Variants in FARSB observed in about 807,000 individuals in gnomAD.
FARSB encodes phenylalanine--tRNA ligase beta subunit.
Under a neutral mutation model 69.6 loss-of-function variants are expected in FARSB, and 40 were observed. The ratio of observed to expected loss-of-function variants is 0.57; its 90% CI spans 0.45 to 0.75. The LOEUF is 0.75. FARSB is among the 30% of genes least tolerant of loss of function. The pLI is 0.00. For missense variants in FARSB, 632 were observed against 722.9 expected, an observed-to-expected ratio of 0.87 and a Z score of 1.44; for synonymous variants, 235 against 247.2, an observed-to-expected ratio of 0.95 and a Z score of 0.46.
chr2:222,589,454 C>G (rs1690205944), intron 16 of FARSB, among the ~76,000 whole-genome samples: 1 of 152,010 alleles, frequency 6.6e-6, no homozygotes, highest in Non-Finnish European at 1.5e-5. Flanking sequence ...TAGGCATGGG[C>G]AAGGACTTCA....
chr2:222,610,239 C>T (rs1690810576), intron 15 of FARSB, among the ~76,000 whole-genome samples: 1 of 152,128 alleles, frequency 6.6e-6, no homozygotes, highest in Non-Finnish European at 1.5e-5. Context: ...ACTGCTCCCA[C>T]CAATGAAAAT....
intron 12 of FARSB, 31 bp from the exon 13 acceptor site, chr2:222,623,761 C>T (rs775170785): frequency 9.6e-6 from 13 of 1,350,610 alleles, no homozygotes; most frequent in African/African-American, 5.8e-5. Flanking sequence ...TTGATTTCAC[C>T]GCAATTATTT....
At chr2:222,650,313 G>C (rs568446868) in intron 1 of FARSB, among the ~76,000 whole-genome samples, 1 of 152,308 alleles carries the variant, frequency 6.6e-6, no homozygotes, top group South Asian at 2.1e-4. Context: ...ATACTGAAGG[G>C]ATTCTTCGGC....
At chr2:222,588,071 A>C (rs979983567) in intron 16 of FARSB, among the ~76,000 whole-genome samples, 3 of 152,242 alleles carry the variant, frequency 2.0e-5, no homozygotes, top group Non-Finnish European at 4.4e-5. Context: ...AGAGAATTTT[A>C]GACCAATATC....
At chr2:222,574,260 T>G (rs1229124922) in intron 16 of FARSB, among the ~76,000 whole-genome samples, 1 of 152,180 alleles carries the variant, frequency 6.6e-6, no homozygotes, top group Non-Finnish European at 1.5e-5. Context: ...ATTAATCAGT[T>G]AGGTACTTGA....
intron 15 of FARSB, among the ~76,000 whole-genome samples, chr2:222,600,930 A>G (rs1431514995): frequency 3.9e-5 from 6 of 152,244 alleles, no homozygotes; most frequent in Admixed American, 3.9e-4. Flanking sequence ...TTCACAAAGC[A>G]TAAAAAAAGC....
intron 4 of FARSB, 98 bp downstream of exon 4, chr2:222,640,764 A>C: frequency 1.5e-6 from 1 of 674,606 alleles, no homozygotes; most frequent in Non-Finnish European, 2.6e-6. Flanking sequence ...TCAAAACAAA[A>C]AAAAAAGAGT....
chr2:222,616,581 A>G (rs1574934382), intron 14 of FARSB, among the ~76,000 whole-genome samples: 3 of 151,014 alleles, frequency 2.0e-5, no homozygotes. Flanking sequence ...CAATTGGGAA[A>G]ACTAAAACAA....
chr2:222,606,226 C>T (rs1341509162), intron 15 of FARSB, among the ~76,000 whole-genome samples: 1 of 152,086 alleles, frequency 6.6e-6, no homozygotes, highest in Admixed American at 6.5e-5. Flanking sequence ...TAAGATACTC[C>T]CTCTACTGTA....
chr2:222,608,256 C>T (rs1690757642), intron 15 of FARSB, among the ~76,000 whole-genome samples: 1 of 152,146 alleles, frequency 6.6e-6, no homozygotes. Context: ...TGGAAAACCA[C>T]ATTCCACATG....
At position 222,594,407 on chromosome 2, in the gene FARSB, A is replaced by G. The variant is rs1690358813; in HGVS notation, c.1618+5521T>C. 3.3e-5 allele frequency among the ~76,000 whole-genome samples: 5 copies of G among 152,324 alleles called. 1 individual carries two copies. The South Asian group carries it at 1.0e-3, about 32-fold the overall frequency. On this transcript the variant is annotated intron_variant, in intron 16 of 16. Coordinates refer to ENST00000281828, the MANE Select transcript of FARSB (RefSeq NM_005687.5). The stretch of plus-strand genomic sequence containing the variant: ...ACATTAAGAGTTACCCAGCAGATAT[A>G]AAGTGAAATGTTAATCATTTTTAAA...
At chr2:222,652,943 T>C (rs1692075510) in intron 1 of FARSB, among the ~76,000 whole-genome samples, 1 of 152,244 alleles carries the variant, frequency 6.6e-6, no homozygotes, top group South Asian at 2.1e-4. Context: ...TGTTATTTCA[T>C]GGGTTTCTAT....
At chr2:222,641,565 T>C (rs1691719808) in intron 3 of FARSB, among the ~76,000 whole-genome samples, 1 of 152,226 alleles carries the variant, frequency 6.6e-6, no homozygotes, top group South Asian at 2.1e-4. Flanking sequence ...ACTGCATTTC[T>C]AGTAAGTTCT....
chr2:222,590,689 G>T (rs1690246310), intron 16 of FARSB, among the ~76,000 whole-genome samples: 1 of 152,042 alleles, frequency 6.6e-6, no homozygotes, highest in African/African-American at 2.4e-5. Context: ...CTGTATTGTA[G>T]AGATGCATCT....
intron 16 of FARSB, among the ~76,000 whole-genome samples, chr2:222,573,119 G>A (rs1191985857): frequency 3.3e-5 from 5 of 152,138 alleles, no homozygotes; most frequent in South Asian, 4.1e-4. Context: ...ACAGAATCAG[G>A]TTGGAGGGGA....
chr2:222,579,815 T>C (rs1220640885), intron 16 of FARSB, among the ~76,000 whole-genome samples: 3 of 152,238 alleles, frequency 2.0e-5, no homozygotes, highest in Admixed American at 6.5e-5. Context: ...TGAAGACAGA[T>C]AGACCTAAGA....
intron 1 of FARSB, among the ~76,000 whole-genome samples, chr2:222,653,792 A>T (rs1692100928): frequency 6.6e-6 from 1 of 152,012 alleles, no homozygotes; most frequent in African/African-American, 2.4e-5. Flanking sequence ...CACCACACCC[A>T]GCTACTTTTT....
chr2:222,584,352 T>A (rs1417822443), intron 16 of FARSB, among the ~76,000 whole-genome samples: 1 of 152,172 alleles, frequency 6.6e-6, no homozygotes, highest in Non-Finnish European at 1.5e-5. Flanking sequence ...AAAAAAGTTT[T>A]AAAAATTATT....
At chr2:222,577,302 A>C (rs1689861675) in intron 16 of FARSB, among the ~76,000 whole-genome samples, 1 of 152,168 alleles carries the variant, frequency 6.6e-6, no homozygotes, top group Non-Finnish European at 1.5e-5. Flanking sequence ...TTTGAAGTGA[A>C]ATATTTATGG....
Sources: allele counts gnomAD v4.1 joint callset (sites outside exome capture counted in the v4.1 genomes callset), GRCh38; gene constraint gnomAD v4.1.1; transcripts MANE v1.5; gene names NCBI Gene and HGNC (gene_info 2026-07-23, HGNC 2026-07-21).